Variants in EPS15 observed in about 807,000 individuals in gnomAD.
EPS15 encodes the protein epidermal growth factor receptor substrate 15.
Under a neutral mutation model 113.8 loss-of-function variants are expected in EPS15, and 72 were observed. The ratio of observed to expected loss-of-function variants is 0.63; its 90% CI spans 0.52 to 0.77. The LOEUF (loss-of-function observed/expected upper bound fraction) is 0.77. Ranked by LOEUF, EPS15 falls within the 30% of genes least tolerant of loss-of-function variation. The probability of loss-of-function intolerance (pLI) is 0.00; values close to 1 mark genes in which losing one functional copy is unlikely to be tolerated. For missense variants in EPS15, 1,048 were observed against 1,045.8 expected (o/e 1.00, Z -0.03); for synonymous variants, 344 against 363.4 (o/e 0.95, Z 0.61).
At chr1:51,472,982 A>C (rs1385199022) in intron 2 of EPS15, 34 bp from the exon 3 acceptor site, 8 of 1,535,826 alleles carry the variant, frequency 5.2e-6, no homozygotes, top group Non-Finnish European at 6.3e-6. Context: ...TTGACAACAA[A>C]ATACAAAAGG....
chr1:51,368,490 CATT>C (rs1438132246), intron 21 of EPS15, among the ~76,000 whole-genome samples: 1 of 152,152 alleles, frequency 6.6e-6, no homozygotes, highest in African/African-American at 2.4e-5. Flanking sequence ...ATGGCCTTTT[CATT>C]GATACATATC....
intron 12 of EPS15, among the ~76,000 whole-genome samples, chr1:51,438,968 T>C (rs1652373421): frequency 6.6e-6 from 1 of 152,112 alleles, no homozygotes; most frequent in Admixed American, 6.6e-5. Context: ...TTTTATGTCA[T>C]AGGAAAAGGC....
At chr1:51,418,900 AATT>A (rs776572074) in intron 13 of EPS15, among the ~76,000 whole-genome samples, 26 of 152,172 alleles carry the variant, frequency 1.7e-4, no homozygotes, top group Non-Finnish European at 3.8e-4. Flanking sequence ...CTAGGAACTG[AATT>A]CAAGTTTGTT....
chr1:51,483,148 G>A (rs1644052144), intron 1 of EPS15, among the ~76,000 whole-genome samples: 1 of 152,082 alleles, frequency 6.6e-6, no homozygotes. Context: ...TATGGTACCT[G>A]CCCATTAGTC....
intron 1 of EPS15, among the ~76,000 whole-genome samples, chr1:51,508,419 G>A (rs1385090227): frequency 1.3e-5 from 2 of 151,754 alleles, no homozygotes; most frequent in Admixed American, 6.6e-5. Flanking sequence ...AATTCTGCAG[G>A]TAAGTATTAA....
intron 13 of EPS15, among the ~76,000 whole-genome samples, chr1:51,420,167 T>A (rs1368724743): frequency 6.6e-6 from 1 of 152,136 alleles, no homozygotes; most frequent in Non-Finnish European, 1.5e-5. Context: ...AGGTTAGACA[T>A]ACACCTTACC....
In EPS15 at chr1:51,361,328, G is replaced by T. The variant is rs760543648; in HGVS notation, c.2387C>A (p.Ser796Tyr). 3 of 1,612,014 alleles carry T rather than the reference G, an allele frequency of 1.9e-6. No homozygotes were observed. Among genetic ancestry groups the T allele is most frequent in the Non-Finnish European group, 2.5e-6 (3 of 1,179,238 alleles). Reference protein sequence around the residue: ...PGKRSINKLDSPDPFKLNDPF... With the variant: ...PGKRSINKLDYPDPFKLNDPF... ...ATCATTCAGTTTAAAGGGATCAGGA[G>T]AATCCAATTTGTTGATGGATCTTTT... Residue 796 changes from serine (S) to tyrosine (Y), a missense_variant, in exon 24 of 25, where the codon TCT becomes TAT. By Grantham distance (144) the Ser-to-Tyr change is moderately radical. Coordinates refer to ENST00000371733, the MANE Select transcript of EPS15 (RefSeq NM_001981.3).
At chr1:51,358,709 GTTTT>G (rs71063028) in intron 24 of EPS15, among the ~76,000 whole-genome samples, 6 of 121,368 alleles carry the variant, frequency 4.9e-5, no homozygotes, top group African/African-American at 1.8e-4. Context: ...GTTTTTTTTT[GTTTT>G]TTTTTTTTTT....
intron 12 of EPS15, among the ~76,000 whole-genome samples, chr1:51,426,618 T>C (rs1006795064): frequency 2.6e-5 from 4 of 151,504 alleles, no homozygotes; most frequent in Admixed American, 6.6e-5. Flanking sequence ...CCCTCAATAA[T>C]GTAGGTAGAC....
At chr1:51,501,139 GGCTCACGCCTGTAATCCCAGCACT>G (rs1281240074) in intron 1 of EPS15, among the ~76,000 whole-genome samples, 1 of 152,092 alleles carries the variant, frequency 6.6e-6, no homozygotes. Flanking sequence ...TGGGTGTGGT[GGCTCACGCCTGTAATCCCAGCACT>G]TTGAGAGCCC....
intron 24 of EPS15, among the ~76,000 whole-genome samples, chr1:51,357,422 ATATAT>A (rs1438732512): frequency 1.6e-3 from 112 of 71,038 alleles, no homozygotes; most frequent in African/African-American, 2.0e-3. Context: ...ATATATATAT[ATATAT>A]TTTTTTTTTT....
At chr1:51,515,481 CAA>C (rs111828890) in intron 1 of EPS15, among the ~76,000 whole-genome samples, 2 of 115,348 alleles carry the variant, frequency 1.7e-5, no homozygotes, top group Non-Finnish European at 2.0e-5. Context: ...CAAAACAAAA[CAA>C]AAAAAAAAAA....
chr1:51,400,712 CA>C (rs375748381), intron 19 of EPS15, among the ~76,000 whole-genome samples: 126 of 60,188 alleles, frequency 2.1e-3, no homozygotes, highest in East Asian at 5.4e-3. Context: ...CAAAAAACAC[CA>C]AAAAAAAAAA....
intron 1 of EPS15, among the ~76,000 whole-genome samples, chr1:51,497,447 A>G (rs920746147): frequency 1.3e-5 from 2 of 152,206 alleles, no homozygotes; most frequent in African/African-American, 4.8e-5. Flanking sequence ...AAAGCTCAAT[A>G]TGACCTAATG....
intron 11 of EPS15, among the ~76,000 whole-genome samples, chr1:51,440,737 A>G (rs1247065696): frequency 1.3e-5 from 2 of 152,066 alleles, no homozygotes; most frequent in Admixed American, 6.6e-5. Flanking sequence ...ACCTTGCAGT[A>G]AAAGAGATGC....
intron 1 of EPS15, among the ~76,000 whole-genome samples, chr1:51,483,545 T>C (rs999536220): frequency 6.6e-6 from 1 of 151,880 alleles, no homozygotes. Flanking sequence ...CGGTGGCATG[T>C]GCCTGTAATC....
At chr1:51,508,164 G>C (rs1053159395) in intron 1 of EPS15, among the ~76,000 whole-genome samples, 1 of 124,020 alleles carries the variant, frequency 8.1e-6, no homozygotes, top group African/African-American at 3.1e-5. Flanking sequence ...CCTGGCAACA[G>C]AGCAAGACTC....
intron 13 of EPS15, among the ~76,000 whole-genome samples, chr1:51,413,054 T>C (rs1019055478): frequency 1.3e-5 from 2 of 152,202 alleles, no homozygotes; most frequent in African/African-American, 4.8e-5. Context: ...GGGTTCTACC[T>C]TCTTTTCCTC....
intron 13 of EPS15, among the ~76,000 whole-genome samples, chr1:51,412,246 A>C (rs112223710): frequency 1.3e-3 from 192 of 152,308 alleles, no homozygotes; most frequent in Non-Finnish European, 2.2e-3. Context: ...ATTAGGACAA[A>C]TACCTAATAC....
Sources: allele counts gnomAD v4.1 joint callset (sites outside exome capture counted in the v4.1 genomes callset), GRCh38; gene constraint gnomAD v4.1.1; transcripts MANE v1.5; gene names NCBI Gene and HGNC (gene_info 2026-07-23, HGNC 2026-07-21).